The following TBX5 variants were observed in gnomAD, a reference collection of about 807,000 sequenced individuals.
The protein encoded by TBX5 is T-box transcription factor TBX5.
Under a neutral mutation model 51.1 loss-of-function variants are expected in TBX5, and 8 were observed. The ratio of observed to expected loss-of-function variants is 0.16; its 90% CI spans 0.09 to 0.28. The LOEUF (loss-of-function observed/expected upper bound fraction) is 0.28. Among genes scored for constraint, TBX5 ranks in the 10% least tolerant of loss-of-function variants. The pLI, the probability that TBX5 is intolerant of heterozygous loss-of-function variation, is 1.00. For synonymous variants in TBX5, 302 were observed against 266.4 expected (o/e 1.13, Z -1.30); for missense variants, 589 against 671.7 (o/e 0.88, Z 1.36).
intron 7 of TBX5, among the ~76,000 whole-genome samples, chr12:114,369,013 GA>G (rs943491773): frequency 1.3e-4 from 19 of 151,354 alleles, no homozygotes; most frequent in African/African-American, 4.4e-4. Context: ...AAAAAAAAAA[GA>G]AAAAAAGAAA....
intron 8 of TBX5, among the ~76,000 whole-genome samples, chr12:114,358,645 C>T (rs1869053036): frequency 6.6e-6 from 1 of 151,542 alleles, no homozygotes; most frequent in Admixed American, 6.6e-5. Context: ...AAAATTTGTA[C>T]CAAAAATAAA....
intron 7 of TBX5, among the ~76,000 whole-genome samples, chr12:114,376,022 G>A (rs1223689529): frequency 6.6e-6 from 1 of 152,052 alleles, no homozygotes; most frequent in African/African-American, 2.4e-5. Flanking sequence ...TCCAGCCTGG[G>A]CAACAGAGTA....
At chr12:114,357,573 A>G (rs1868993895) in intron 8 of TBX5, among the ~76,000 whole-genome samples, 1 of 152,186 alleles carries the variant, frequency 6.6e-6, no homozygotes, top group Non-Finnish European at 1.5e-5. Context: ...AAGATTGAGC[A>G]TGTAAAGTCT....
upstream of TBX5, chr12:114,407,086 G>A: frequency 1.0e-6 from 1 of 985,388 alleles, no homozygotes; most frequent in African/African-American, 1.7e-5. Flanking sequence ...ATGGAGGGAG[G>A]AGAAATGCCC....
intron 7 of TBX5, among the ~76,000 whole-genome samples, chr12:114,382,669 C>T (rs192309409): frequency 1.9e-4 from 29 of 152,122 alleles, no homozygotes; most frequent in African/African-American, 5.3e-4. Context: ...TGGTGGTGAA[C>T]GCCTGTAATT....
intron 6 of TBX5, among the ~76,000 whole-genome samples, chr12:114,387,236 GC>G (rs150557697): frequency 0.027 from 4,071 of 152,300 alleles, 120 homozygotes; most frequent in East Asian, 0.15. Flanking sequence ...GAGAAACTGT[GC>G]TTGATAAATG....
chr12:114,372,971 TATATATACATACAC>T (rs1444261658), intron 7 of TBX5, among the ~76,000 whole-genome samples: 1 of 115,984 alleles, frequency 8.6e-6, no homozygotes, highest in East Asian at 6.5e-4. Context: ...GCTTAGCGAA[TATATATACATACAC>T]ACACACACAC....
chr12:114,387,120 AAAC>A (rs1192239544), intron 6 of TBX5, among the ~76,000 whole-genome samples: 1 of 148,930 alleles, frequency 6.7e-6, no homozygotes. Flanking sequence ...AAAAAACAAA[AAAC>A]AAAAAAACAA....
At chr12:114,375,154 A>C (rs1870120770) in intron 7 of TBX5, among the ~76,000 whole-genome samples, 1 of 152,234 alleles carries the variant, frequency 6.6e-6, no homozygotes, top group South Asian at 2.1e-4. Flanking sequence ...AAAATGGCCC[A>C]TACATGGGCT....
intron 7 of TBX5, 143 bp from the exon 8 acceptor site, chr12:114,366,534 G>T: frequency 1.3e-6 from 1 of 790,782 alleles, no homozygotes; most frequent in Non-Finnish European, 2.1e-6. Context: ...AAATGATCCA[G>T]TTATATTCAT....
Position 114,394,906 on chromosome 12 carries a change from A to G in TBX5, c.511-13T>C. Reference sequence around the variant, plus strand: ...AATTTAGAATAATCTAAAAATAATAAAGAAAATGAGATTGTAAGAAAATCA... The same window carrying G: ...AATTTAGAATAATCTAAAAATAATAGAGAAAATGAGATTGTAAGAAAATCA... On this transcript the variant is annotated splice_polypyrimidine_tract_variant and intron_variant, in intron 5 of 8. Coordinates refer to ENST00000405440, the MANE Select transcript of TBX5 (RefSeq NM_181486.4). 2 of 1,612,302 alleles carry G rather than the reference A, an allele frequency of 1.2e-6. No homozygotes were observed. The highest frequency in any genetic ancestry group is 1.7e-6 in the Non-Finnish European group (2 of 1,178,698).
At chr12:114,386,891 C>A (rs1188444362) in intron 6 of TBX5, among the ~76,000 whole-genome samples, 1 of 151,770 alleles carries the variant, frequency 6.6e-6, no homozygotes, top group Non-Finnish European at 1.5e-5. Context: ...ATCAGAAGTT[C>A]AAGACCAGCC....
At chr12:114,403,671 C>A in intron 2 of TBX5, 81 bp downstream of exon 2, 1 of 1,568,268 alleles carries the variant, frequency 6.4e-7, no homozygotes, top group South Asian at 1.1e-5. Flanking sequence ...TTTGTTCTGT[C>A]CCCGCAAGAG....
chr12:114,398,523 AG>A, intron 5 of TBX5, 49 bp downstream of exon 5: 1 of 1,594,896 alleles, frequency 6.3e-7, no homozygotes. Context: ...AGAAGAAGGG[AG>A]AGAGGACAAG....
intron 6 of TBX5, among the ~76,000 whole-genome samples, chr12:114,392,534 G>A (rs918986002): frequency 3.3e-5 from 5 of 152,106 alleles, no homozygotes; most frequent in East Asian, 1.9e-4. Context: ...TCTTCCAAAG[G>A]ACCTGAGAAT....
chr12:114,407,253 C>G (rs1162487371), upstream of TBX5: 1 of 261,804 alleles, frequency 3.8e-6, no homozygotes, highest in Non-Finnish European at 5.9e-6. Flanking sequence ...ACTCCACCTT[C>G]CAGGTTTGTT....
Position 114,366,221 on chromosome 12 carries a change from T to C in TBX5, c.926A>G (p.Asn309Ser). Residue 309 changes from asparagine (N) to serine (S), a missense_variant, in exon 8 of 9, where the codon AAC becomes AGC. Coordinates refer to ENST00000405440, the MANE Select transcript of TBX5 (RefSeq NM_181486.4). ...ATGCTCCTGGGGCAGTGGGTATGGG[T>C]TGGGTGGAGGCAGGAGGTCCTGGGA... ...GPSQDLLPPP[N>S]PYPLPQEHSQ... is the part of the protein sequence containing the mutation. The C allele has an allele frequency of 6.2e-7, 1 of 1,613,896 alleles. No homozygotes were observed. Among genetic ancestry groups the C allele is most frequent in the Non-Finnish European group, 8.5e-7 (1 of 1,179,950 alleles).
intron 6 of TBX5, among the ~76,000 whole-genome samples, chr12:114,386,827 C>T (rs1427384392): frequency 6.6e-6 from 1 of 152,116 alleles, no homozygotes; most frequent in Non-Finnish European, 1.5e-5. Context: ...GCCATGGTGG[C>T]TCATGCCTGT....
At chr12:114,395,796 C>G (rs1356455450) in intron 5 of TBX5, among the ~76,000 whole-genome samples, 1 of 152,102 alleles carries the variant, frequency 6.6e-6, no homozygotes. Flanking sequence ...TGTAGTTGTG[C>G]TGTAATTTTT....
Sources: gnomAD v4.1 joint callset for allele counts (sites outside exome capture counted in the v4.1 genomes callset) on GRCh38, gnomAD v4.1.1 for gene constraint, MANE v1.5 for transcripts, NCBI Gene and HGNC (gene_info 2026-07-23, HGNC 2026-07-21) for gene names.